Variants in DPP6 observed in about 807,000 individuals in gnomAD.
The protein encoded by DPP6 is dipeptidyl peptidase like 6.
DPP6 carries 69 observed loss-of-function variants against 122.6 expected under a neutral mutation model. The ratio of observed to expected loss-of-function variants is 0.56; its 90% CI spans 0.46 to 0.69. DPP6 has a LOEUF of 0.69. DPP6 is among the 30% of genes least tolerant of loss of function. DPP6 has a pLI of 0.00. For missense variants in DPP6, 928 were observed against 1,116.9 expected, an observed-to-expected ratio of 0.83 and a Z score of 2.41; for synonymous variants, 418 against 433.1, an observed-to-expected ratio of 0.97 and a Z score of 0.43.
chr7:154,718,282 TTGTGCC>T (rs1467343206), intron 7 of DPP6, among the ~76,000 whole-genome samples: 3 of 144,146 alleles, frequency 2.1e-5, no homozygotes, highest in Admixed American at 7.1e-5. Context: ...ATTTTTGTGT[TTGTGCC>T]TGTGCCTTTG....
At chr7:153,966,553 GCTTTTTTTTTTTTTT>G (rs1331990751) in intron 1 of DPP6, among the ~76,000 whole-genome samples, 2,163 of 57,628 alleles carry the variant, frequency 0.038, 199 homozygotes, top group African/African-American at 0.11. Context: ...TCCTGTGTTG[GCTTTTTTTTTTTTTT>G]TTTTTTTTTT....
intron 1 of DPP6, among the ~76,000 whole-genome samples, chr7:154,172,148 C>CCCTGTCTG (rs1554482136): frequency 6.6e-6 from 1 of 150,612 alleles, no homozygotes; most frequent in Admixed American, 6.6e-5. Context: ...CTTCCTTCTT[C>CCCTGTCTG]CCTGCCTGCC....
intron 3 of DPP6, among the ~76,000 whole-genome samples, chr7:154,502,428 A>G (rs1024131104): frequency 6.6e-6 from 1 of 152,116 alleles, no homozygotes; most frequent in Non-Finnish European, 1.5e-5. Context: ...CATGGGAGGA[A>G]CTTAGTGGGA....
In DPP6 at chr7:154,176,871, T is replaced by C. The variant is rs147356469; in HGVS notation, c.243+123808T>C. 3.0e-3 allele frequency among the ~76,000 whole-genome samples: 462 copies of C among 152,244 alleles called. 7 individuals carry two copies. The South Asian group carries it at 0.042, about 14-fold the overall frequency. On this transcript the variant is annotated intron_variant, in intron 1 of 25. Coordinates refer to ENST00000377770, the MANE Select transcript of DPP6 (RefSeq NM_130797.4). ...TTTTTTTATTTTTTGAGACAGGGCCTCAGTCTGTCGCCCAGGTTACAGTGT... is the reference window on the plus strand; with the variant it reads ...TTTTTTTATTTTTTGAGACAGGGCCCCAGTCTGTCGCCCAGGTTACAGTGT...
chr7:154,009,761 C>T (rs1319995908), intron 1 of DPP6, among the ~76,000 whole-genome samples: 2 of 151,400 alleles, frequency 1.3e-5, no homozygotes, highest in East Asian at 3.9e-4. Flanking sequence ...AGGCGGCTGC[C>T]ACTTTCTCAC....
chr7:154,680,621 A>G (rs1322929848), intron 7 of DPP6, among the ~76,000 whole-genome samples: 1 of 150,448 alleles, frequency 6.6e-6, no homozygotes. Context: ...AATTATTTGG[A>G]CTGGCCAGAC....
chr7:153,882,908 A>G (rs1798793117), upstream of DPP6, among the ~76,000 whole-genome samples: 1 of 152,248 alleles, frequency 6.6e-6, no homozygotes, highest in African/African-American at 2.4e-5. Flanking sequence ...CATGGGGCTT[A>G]GGTGCTATGG....
rs983393994 is a variant in DPP6 at position 154,574,164 on chromosome 7, C to T, written c.627+7248C>T. 9.9e-5 allele frequency among the ~76,000 whole-genome samples: 15 copies of T among 151,998 alleles called. No homozygotes were observed. The East Asian group carries it at 2.5e-3, about 25-fold the overall frequency. On this transcript the variant is annotated intron_variant, in intron 5 of 25. Coordinates refer to ENST00000377770, the MANE Select transcript of DPP6 (RefSeq NM_130797.4). ...GGTTCTTTTCTCAACAAAATGCAAACTTTGTTAAGGTAATGCTGTGCGTGT... is the reference window on the plus strand; with the variant it reads ...GGTTCTTTTCTCAACAAAATGCAAATTTTGTTAAGGTAATGCTGTGCGTGT...
chr7:154,187,240 G>A (rs1391049564), intron 1 of DPP6, among the ~76,000 whole-genome samples: 1 of 152,180 alleles, frequency 6.6e-6, no homozygotes, highest in Non-Finnish European at 1.5e-5. Flanking sequence ...CATGGTTTTG[G>A]TAGTCTCTAT....
intron 6 of DPP6, among the ~76,000 whole-genome samples, chr7:154,668,921 T>C (rs993564189): frequency 6.6e-6 from 1 of 152,206 alleles, no homozygotes; most frequent in Admixed American, 6.5e-5. Flanking sequence ...CAAAACCTGA[T>C]GCCACCAGGT....
At chr7:153,776,755 A>G in the DPP6 span, among the ~76,000 whole-genome samples, 2 of 152,238 alleles carry the variant, frequency 1.3e-5, no homozygotes, top group Admixed American at 6.5e-5. Flanking sequence ...ATAAATGCCC[A>G]CCCATAGAAA....
chr7:154,859,292 G>A (rs1025256681), intron 17 of DPP6, among the ~76,000 whole-genome samples: 1 of 152,284 alleles, frequency 6.6e-6, no homozygotes, highest in Non-Finnish European at 1.5e-5. Context: ...AGCCAGGAAA[G>A]CGGGGCCCAT....
At chr7:154,095,770 C>A (rs1226108722) in intron 1 of DPP6, 4 of 109,896 alleles carry the variant, frequency 3.6e-5, no homozygotes, top group Non-Finnish European at 7.8e-5. Flanking sequence ...TGCCATTTTT[C>A]TTGGGTGTCG....
intron 1 of DPP6, among the ~76,000 whole-genome samples, chr7:154,060,223 T>C (rs796814336): frequency 3.8e-5 from 4 of 106,604 alleles, no homozygotes; most frequent in East Asian, 3.0e-4. Flanking sequence ...TCTTCCCCCC[T>C]TTGCTCTTAG....
At chr7:154,287,054 C>T (rs982455168) in intron 1 of DPP6, among the ~76,000 whole-genome samples, 2 of 152,158 alleles carry the variant, frequency 1.3e-5, no homozygotes, top group African/African-American at 2.4e-5. Context: ...CCACCCACCT[C>T]GGCCTTAAAC....
intron 7 of DPP6, among the ~76,000 whole-genome samples, chr7:154,709,315 G>T (rs2131296565): frequency 6.6e-6 from 1 of 152,276 alleles, no homozygotes; most frequent in East Asian, 1.9e-4. Context: ...AAGTAGCTAG[G>T]ACTACAGGCG....
intron 15 of DPP6, among the ~76,000 whole-genome samples, chr7:154,806,422 C>G (rs1262385040): frequency 6.6e-6 from 1 of 152,200 alleles, no homozygotes; most frequent in Non-Finnish European, 1.5e-5. Flanking sequence ...CATCTTCAAG[C>G]CAGTTCCCAC....
intron 1 of DPP6, among the ~76,000 whole-genome samples, chr7:153,953,259 G>T (rs1360364464): frequency 6.6e-6 from 1 of 151,838 alleles, no homozygotes. Context: ...AACACCACAA[G>T]AATTAAATAA....
intron 1 of DPP6, among the ~76,000 whole-genome samples, chr7:154,416,108 G>C (rs548974800): frequency 6.6e-6 from 1 of 152,212 alleles, no homozygotes; most frequent in Non-Finnish European, 1.5e-5. Flanking sequence ...ACACTGTTCT[G>C]AGTAGCATTA....
Sources: allele counts gnomAD v4.1 joint callset (sites outside exome capture counted in the v4.1 genomes callset), GRCh38; gene constraint gnomAD v4.1.1; transcripts MANE v1.5; gene names NCBI Gene and HGNC (gene_info 2026-07-23, HGNC 2026-07-21).